The following HIPK2 variants were observed in gnomAD, a reference collection of about 807,000 sequenced individuals.
HIPK2 encodes the protein homeodomain-interacting protein kinase 2.
HIPK2 carries 27 observed loss-of-function variants against 113.7 expected under a neutral mutation model. The observed-to-expected ratio is 0.24, with a 90% CI of 0.17 to 0.33. HIPK2 has a LOEUF of 0.33. Among genes scored for constraint, HIPK2 ranks in the 10% least tolerant of loss-of-function variants. The pLI is 1.00. For synonymous variants in HIPK2, 631 were observed against 642.2 expected (o/e 0.98, Z 0.26); for missense variants, 1,257 against 1,588.0 (o/e 0.79, Z 3.54).
intron 1 of HIPK2, among the ~76,000 whole-genome samples, chr7:139,766,807 TAA>T (rs1796560177): frequency 6.6e-6 from 1 of 152,224 alleles, no homozygotes; most frequent in Non-Finnish European, 1.5e-5. Flanking sequence ...TATTAGTTAA[TAA>T]TAGTGTATTA....
chr7:139,605,763 T>G (rs1799598350), intron 9 of HIPK2, among the ~76,000 whole-genome samples: 1 of 152,232 alleles, frequency 6.6e-6, no homozygotes, highest in South Asian at 2.1e-4. Context: ...CCATGAGTGC[T>G]TAATATCTGT....
In HIPK2 at chr7:139,613,723, T is replaced by A. The variant is rs1799921335; in HGVS notation, c.1991-400A>T. On this transcript the variant is annotated intron_variant, in intron 8 of 14. Coordinates refer to ENST00000406875, the MANE Select transcript of HIPK2 (RefSeq NM_022740.5). This position sits in a 1 kb window ranked among gnomAD's most constrained non-coding sequence, Gnocchi z 4.2. The stretch of plus-strand genomic sequence containing the variant: ...GACTGTAACCACACAGTTTACACCA[T>A]GAGGCTTGCAAAAATAAATTCTTAA... 6.6e-6 allele frequency among the ~76,000 whole-genome samples: 1 copy of A among 152,198 alleles called. No homozygotes were observed. The highest frequency in any genetic ancestry group is 6.5e-5 in the Admixed American group (1 of 15,270).
chr7:139,636,550 A>ACTGACACAGCAGCAAGATG (rs1800820197), intron 2 of HIPK2, among the ~76,000 whole-genome samples: 1 of 152,132 alleles, frequency 6.6e-6, no homozygotes, highest in East Asian at 1.9e-4. Context: ...GGACATAGAT[A>ACTGACACAGCAGCAAGATG]CTGACACAGC....
At chr7:139,600,679 T>A in intron 10 of HIPK2, 83 bp from the exon 11 acceptor site, 3 of 1,470,574 alleles carry the variant, frequency 2.0e-6, no homozygotes, top group Non-Finnish European at 2.8e-6. Context: ...TCCTCCCCAA[T>A]TAAACGCTGA....
intron 6 of HIPK2, among the ~76,000 whole-genome samples, chr7:139,621,251 C>A (rs186983087): frequency 1.1e-3 from 161 of 152,338 alleles, no homozygotes; most frequent in Non-Finnish European, 1.7e-3. Flanking sequence ...CCCTACTTCA[C>A]GAGTAAGGCT....
chr7:139,590,798 GA>G (rs201715029), intron 12 of HIPK2, among the ~76,000 whole-genome samples: 66 of 149,038 alleles, frequency 4.4e-4, no homozygotes, highest in South Asian at 4.0e-3. Context: ...TCATTAGAGA[GA>G]AAAAAAAAAT....
chr7:139,740,637 G>A (rs1399129425), intron 1 of HIPK2, among the ~76,000 whole-genome samples: 1 of 152,228 alleles, frequency 6.6e-6, no homozygotes, highest in Non-Finnish European at 1.5e-5. Flanking sequence ...GATATCAAAA[G>A]AGACGGGTCC....
At chr7:139,721,986 C>A in intron 1 of HIPK2, 1 of 450,944 alleles carries the variant, frequency 2.2e-6, no homozygotes, top group Non-Finnish European at 4.4e-6. Context: ...AGAACTAAAG[C>A]TTTTAACAAG....
At chr7:139,649,340 G>A (rs111412262) in intron 2 of HIPK2, among the ~76,000 whole-genome samples, 5 of 152,288 alleles carry the variant, frequency 3.3e-5, no homozygotes, top group African/African-American at 4.8e-5. Context: ...GTGCACACCC[G>A]CAGATGCTGC....
chr7:139,743,138 T>A (rs1179348570), intron 1 of HIPK2, among the ~76,000 whole-genome samples: 1 of 152,040 alleles, frequency 6.6e-6, no homozygotes, highest in Admixed American at 6.5e-5. Context: ...AGAGGCTTTG[T>A]TGGGGAGGAA....
In HIPK2 at chr7:139,614,320, C is replaced by T. The variant is rs1299922341; in HGVS notation, c.1956G>A (p.Gln652=). 6.4e-7 allele frequency: 1 copy of T among 1,554,780 alleles called. No individual in the cohort carries two copies. The highest frequency in any genetic ancestry group is 1.2e-5 in the South Asian group (1 of 84,668). Residue 652 remains glutamine, a synonymous_variant, in exon 8 of 15, where the codon CAG becomes CAA. Transcript: ENST00000406875. ...AQICARPDPF[Q]QALIVCPPGF... ...CGGGGGGACACACGATGAGAGCTTG[C>T]TGGAACGGGTCAGGCCGGGCACAAA...
At chr7:139,763,087 G>A (rs1319514037) in intron 1 of HIPK2, among the ~76,000 whole-genome samples, 1 of 152,164 alleles carries the variant, frequency 6.6e-6, no homozygotes, top group Non-Finnish European at 1.5e-5. Flanking sequence ...GGGTGCTGAA[G>A]CAGGAAACAG....
At chr7:139,617,183 A>G (rs1230882342) in intron 7 of HIPK2, among the ~76,000 whole-genome samples, 1 of 152,238 alleles carries the variant, frequency 6.6e-6, no homozygotes, top group Non-Finnish European at 1.5e-5. Context: ...GAGCACACAG[A>G]GAACTGGGAA....
intron 2 of HIPK2, among the ~76,000 whole-genome samples, chr7:139,698,772 T>A: frequency 6.6e-6 from 1 of 152,222 alleles, no homozygotes; most frequent in Admixed American, 6.5e-5. Flanking sequence ...ACAGGGAATA[T>A]GTTAATCACC....
intron 2 of HIPK2, among the ~76,000 whole-genome samples, chr7:139,671,843 C>T (rs975911413): frequency 7.2e-5 from 11 of 152,122 alleles, no homozygotes; most frequent in East Asian, 1.9e-4. Flanking sequence ...CCACTGCACC[C>T]GGCTGAGAAT....
At chr7:139,635,426 T>C (rs968568541) in intron 2 of HIPK2, among the ~76,000 whole-genome samples, 2 of 152,150 alleles carry the variant, frequency 1.3e-5, no homozygotes, top group African/African-American at 4.8e-5. Flanking sequence ...CCAGTTTCCA[T>C]TCCCCAGTGA....
Position 139,571,756 on chromosome 7 carries a change from T to C in HIPK2, c.*1171A>G, listed in dbSNP as rs753075254. ...TAGCCTCAGTTTCTTGGAGTACCAG[T>C]GGAAGTAAACCCTCACGCCGCGTCT... On this transcript the variant is annotated 3_prime_UTR_variant, in exon 15 of 15. Transcript: ENST00000406875. 3 of 151,992 alleles carry C rather than the reference T, an allele frequency of 2.0e-5. No homozygotes were observed. The highest frequency in any genetic ancestry group is 2.9e-5 in the Non-Finnish European group (2 of 68,014). 9.4% of individuals were successfully genotyped at this position (151,992 alleles called of 1,614,324 possible). A position where few individuals can be genotyped will look rare whatever the true frequency, so the allele number is the denominator to read the frequency against.
chr7:139,719,306 G>A (rs10232341), intron 1 of HIPK2, among the ~76,000 whole-genome samples: 4,852 of 152,042 alleles, frequency 0.032, 183 homozygotes, highest in East Asian at 0.088. Context: ...GGGGTTTCAT[G>A]TTGGCCAGGC....
intron 2 of HIPK2, among the ~76,000 whole-genome samples, chr7:139,697,221 A>C (rs1435458282): frequency 5.3e-5 from 8 of 152,130 alleles, no homozygotes; most frequent in Non-Finnish European, 8.8e-5. Context: ...TCTTCAGATA[A>C]CACCACCACT....
Sources: gnomAD v4.1 joint callset for allele counts (sites outside exome capture counted in the v4.1 genomes callset) on GRCh38, gnomAD v4.1.1 for gene constraint, Gnocchi (gnomAD v3.1) non-coding constraint, MANE v1.5 for transcripts, NCBI Gene and HGNC (gene_info 2026-07-23, HGNC 2026-07-21) for gene names.